Variants in SKAP1 observed in about 807,000 individuals in gnomAD.
SKAP1 encodes src kinase associated phosphoprotein 1, also known as src kinase-associated phosphoprotein 1.
Under a neutral mutation model 58.5 loss-of-function variants are expected in SKAP1, and 44 were observed. The observed-to-expected ratio is 0.75, with a 90% CI of 0.59 to 0.97. The LOEUF (loss-of-function observed/expected upper bound fraction) is 0.97. Ranked by LOEUF, SKAP1 falls within the 50% of genes least tolerant of loss-of-function variation. The pLI is 0.00. For missense variants in SKAP1, 390 were observed against 435.2 expected, an observed-to-expected ratio of 0.90 and a Z score of 0.92; for synonymous variants, 127 against 149.7, an observed-to-expected ratio of 0.85 and a Z score of 1.11.
intron 4 of SKAP1, among the ~76,000 whole-genome samples, chr17:48,314,387 C>T (rs1049323000): frequency 2.0e-5 from 3 of 152,150 alleles, no homozygotes; most frequent in Admixed American, 2.0e-4. Flanking sequence ...CTTCTTGTGT[C>T]CTCCCTTACA....
intron 1 of SKAP1, among the ~76,000 whole-genome samples, chr17:48,421,640 C>T (rs1328128481): frequency 6.6e-6 from 1 of 152,140 alleles, no homozygotes; most frequent in Non-Finnish European, 1.5e-5. Flanking sequence ...GCAAGGAACA[C>T]TTATCTTTCC....
intron 1 of SKAP1, among the ~76,000 whole-genome samples, chr17:48,424,063 T>G (rs555062234): frequency 1.1e-3 from 172 of 152,276 alleles, no homozygotes; most frequent in Non-Finnish European, 2.0e-3. Context: ...ACTAGGTAGC[T>G]TATAAACAAC....
At chr17:48,266,668 G>T (rs34212996) in intron 4 of SKAP1, among the ~76,000 whole-genome samples, 4,220 of 151,616 alleles carry the variant, frequency 0.028, 223 homozygotes, top group African/African-American at 0.097. Flanking sequence ...CTGCCACAAC[G>T]CCCGGCTAAT....
chr17:48,373,997 C>A (rs761365484), intron 2 of SKAP1, among the ~76,000 whole-genome samples: 1 of 152,084 alleles, frequency 6.6e-6, no homozygotes, highest in African/African-American at 2.4e-5. Flanking sequence ...AAAATCAAAT[C>A]TCTTCTTAAT....
chr17:48,280,375 CA>C (rs761591688), intron 4 of SKAP1, among the ~76,000 whole-genome samples: 30 of 152,018 alleles, frequency 2.0e-4, no homozygotes, highest in Non-Finnish European at 3.1e-4. Context: ...GAGGCTGAGG[CA>C]GGAGAATCAC....
At chr17:48,357,984 TC>T (rs1381089685) in intron 3 of SKAP1, among the ~76,000 whole-genome samples, 2 of 152,064 alleles carry the variant, frequency 1.3e-5, no homozygotes, top group African/African-American at 4.8e-5. Flanking sequence ...TGGGTTCATT[TC>T]CCCCTTATTA....
chr17:48,257,624 CTTTCTTTTTTTT>C (rs1354550746), intron 4 of SKAP1, among the ~76,000 whole-genome samples: 2 of 108,604 alleles, frequency 1.8e-5, no homozygotes, highest in East Asian at 3.0e-4. Flanking sequence ...TTTTTTCTTT[CTTTCTTTTTTTT>C]TTTTTTTTTT....
chr17:48,182,282 G>T, intron 8 of SKAP1, 112 bp downstream of exon 8: 1 of 714,820 alleles, frequency 1.4e-6, no homozygotes, highest in Non-Finnish European at 2.4e-6. Context: ...AGGAAAGGTA[G>T]AGGTGAGAAA....
At chr17:48,331,476 G>C (rs1245842714) in intron 4 of SKAP1, among the ~76,000 whole-genome samples, 1 of 151,988 alleles carries the variant, frequency 6.6e-6, no homozygotes. Flanking sequence ...AAGGTGGGCG[G>C]ATCACCTGAG....
chr17:48,253,387 A>T (rs183645420), intron 4 of SKAP1, among the ~76,000 whole-genome samples: 55 of 152,298 alleles, frequency 3.6e-4, no homozygotes, highest in African/African-American at 1.2e-3. Context: ...AAGAACAGAG[A>T]TGGTTTTCCA....
At chr17:48,363,549 C>A (rs549369968) in intron 3 of SKAP1, among the ~76,000 whole-genome samples, 3 of 152,146 alleles carry the variant, frequency 2.0e-5, no homozygotes, top group Admixed American at 6.5e-5. Flanking sequence ...ATATTATAGC[C>A]TTGGTTTTAT....
chr17:48,399,651 T>C (rs961178898), intron 1 of SKAP1, among the ~76,000 whole-genome samples: 2 of 151,566 alleles, frequency 1.3e-5, no homozygotes, highest in East Asian at 3.9e-4. Flanking sequence ...CCTGTAGTCC[T>C]AGCTACTCAA....
At chr17:48,365,405 C>CT (rs1244771774) in intron 2 of SKAP1, among the ~76,000 whole-genome samples, 1 of 152,216 alleles carries the variant, frequency 6.6e-6, no homozygotes, top group Non-Finnish European at 1.5e-5. Flanking sequence ...CCATTTCCTC[C>CT]TGCCTTCACA....
upstream of SKAP1, among the ~76,000 whole-genome samples, chr17:48,433,692 G>T (rs145248984): frequency 4.4e-3 from 666 of 152,306 alleles, 5 homozygotes; most frequent in African/African-American, 0.015. Flanking sequence ...GGGATCTAAA[G>T]AGATGTAGAA....
intron 1 of SKAP1, among the ~76,000 whole-genome samples, chr17:48,399,467 G>A (rs1392734516): frequency 6.6e-6 from 1 of 152,048 alleles, no homozygotes; most frequent in Non-Finnish European, 1.5e-5. Flanking sequence ...TGTACTTAAT[G>A]ATTAAAGACT....
At chr17:48,183,131 G>C (rs1486382903) in intron 7 of SKAP1, among the ~76,000 whole-genome samples, 1 of 152,154 alleles carries the variant, frequency 6.6e-6, no homozygotes, top group Middle Eastern at 3.2e-3. Context: ...GCAGGCAACA[G>C]GAAGCCACTA....
intron 10 of SKAP1, among the ~76,000 whole-genome samples, chr17:48,168,518 G>A (rs547485619): frequency 1.3e-5 from 2 of 152,188 alleles, no homozygotes; most frequent in Non-Finnish European, 2.9e-5. Context: ...TTAGCCAGGC[G>A]TGGTGGCACG....
At chr17:48,264,302 T>C (rs1044148102) in intron 4 of SKAP1, among the ~76,000 whole-genome samples, 3 of 149,724 alleles carry the variant, frequency 2.0e-5, no homozygotes, top group Admixed American at 1.3e-4. Context: ...GGTCTTACTA[T>C]GTTCTACCTA....
the SKAP1 span, among the ~76,000 whole-genome samples, chr17:48,436,490 C>T: frequency 6.6e-6 from 1 of 152,162 alleles, no homozygotes; most frequent in African/African-American, 2.4e-5. Context: ...GTTCATGTTG[C>T]ATTGCTTTTC....
Sources: gnomAD v4.1 joint callset for allele counts (sites outside exome capture counted in the v4.1 genomes callset) on GRCh38, gnomAD v4.1.1 for gene constraint, MANE v1.5 for transcripts, NCBI Gene and HGNC (gene_info 2026-07-23, HGNC 2026-07-21) for gene names.